Variants in ZNF16 observed in about 807,000 individuals in gnomAD.
ZNF16 encodes the protein zinc finger protein KOX9.
A neutral mutation model predicts 9.0 loss-of-function variants in ZNF16; 7 were observed. The ratio of observed to expected loss-of-function variants is 0.78; its 90% CI spans 0.44 to 1.47. The LOEUF (loss-of-function observed/expected upper bound fraction) is 1.47. Ranked by LOEUF, ZNF16 falls within the 40% of genes most tolerant of loss-of-function variation. ZNF16 has a pLI of 0.01. For synonymous variants in ZNF16, 312 were observed against 301.5 expected (o/e 1.03, Z -0.36); for missense variants, 830 against 854.2 (o/e 0.97, Z 0.35).
chr8:144,945,489 T>C (rs1007809634), intron 2 of ZNF16: 1 of 152,494 alleles, frequency 6.6e-6, no homozygotes, highest in Non-Finnish European at 1.5e-5. Context: ...TACTGGCTGG[T>C]CCTGAACTCC....
At position 144,950,878 on chromosome 8, in the gene ZNF16, C is replaced by T. The variant is rs968119796; in HGVS notation, c.-91G>A. The T allele has an allele frequency of 6.6e-6, 1 of 152,340 alleles. No homozygotes were observed. 9.4% of individuals were successfully genotyped at this position (152,340 alleles called of 1,614,324 possible). On this transcript the variant is annotated 5_prime_UTR_variant, in exon 1 of 3. Transcript: ENST00000394909. ...AACGCCGGCTGACCCCCGGAAGTCC[C>T]GCCCCGAATTCCGGCCCGCCGCTCG...
Position 144,932,690 on chromosome 8 carries a change from G to C in ZNF16, c.197-100C>G. On this transcript the variant is annotated intron_variant, in intron 2 of 2. Coordinates refer to ENST00000394909, the MANE Select transcript of ZNF16 (RefSeq NM_006958.3). This position sits in a 1 kb window ranked among gnomAD's most constrained non-coding sequence, Gnocchi z 5.0. Reference sequence around the variant, plus strand: ...ACCCACTAACTGTGGAGGAGGCAAGGGGAGCAGGGGATCCTCTGGGGTGGC... The same window carrying C: ...ACCCACTAACTGTGGAGGAGGCAAGCGGAGCAGGGGATCCTCTGGGGTGGC... The C allele has an allele frequency of 7.8e-7, 1 of 1,285,788 alleles. No homozygotes were observed. The highest frequency in any genetic ancestry group is 1.1e-6 in the Non-Finnish European group (1 of 928,946). The allele number at this position is 1,285,788 out of a possible 1,614,324, so 79.6% of individuals were successfully genotyped here. A position where few individuals can be genotyped will look rare whatever the true frequency, so the allele number is the denominator to read the frequency against.
rs2975260 is a variant in ZNF16, at chr8:144,950,151, C to T, written c.-10+646G>A. The stretch of plus-strand genomic sequence containing the variant: ...ACGTGCCCATCCAGGCATAGTACCT[C>T]CCCTTAAACTTAATTATGGCACAGA... On this transcript the variant is annotated intron_variant, in intron 1 of 2. Transcript: ENST00000394909. 8.8e-3 allele frequency among the ~76,000 whole-genome samples: 1,346 copies of T among 152,144 alleles called. 11 individuals carry two copies. Among genetic ancestry groups the T allele is most frequent in the African/African-American group, 0.024 (982 of 41,432 alleles).
At chr8:144,947,661 C>T (rs773851399) in intron 1 of ZNF16, among the ~76,000 whole-genome samples, 2 of 152,142 alleles carry the variant, frequency 1.3e-5, no homozygotes, top group Non-Finnish European at 1.5e-5. Context: ...CTACTCCCTC[C>T]TAGCCTCTCA....
intron 2 of ZNF16, among the ~76,000 whole-genome samples, chr8:144,942,636 G>C (rs1301530329): frequency 6.6e-6 from 1 of 152,088 alleles, no homozygotes; most frequent in Admixed American, 6.6e-5. Flanking sequence ...TGCAATGAAC[G>C]TTCTAACATC....
intron 2 of ZNF16, among the ~76,000 whole-genome samples, chr8:144,941,654 A>C (rs1016682635): frequency 6.8e-6 from 1 of 147,228 alleles, no homozygotes. Context: ...TTCTTGCCTT[A>C]CTTCTTGTGT....
chr8:144,937,934 C>G (rs912589072), intron 2 of ZNF16, among the ~76,000 whole-genome samples: 6 of 152,118 alleles, frequency 3.9e-5, no homozygotes, highest in African/African-American at 1.4e-4. Flanking sequence ...TCCCAAAGTG[C>G]TGGGATTACA....
At chr8:144,935,932 T>G (rs1034545884) in intron 2 of ZNF16, among the ~76,000 whole-genome samples, 1 of 152,348 alleles carries the variant, frequency 6.6e-6, no homozygotes, top group Admixed American at 6.5e-5. Flanking sequence ...AAACATTTAC[T>G]GAGGTGAAAT....
chr8:144,939,013 G>A (rs7818466), intron 2 of ZNF16, among the ~76,000 whole-genome samples: 34,922 of 151,592 alleles, frequency 0.23, 4,176 homozygotes, highest in East Asian at 0.35. Context: ...TTTCTCCTTC[G>A]TTCTATTAAT....
intron 1 of ZNF16, among the ~76,000 whole-genome samples, chr8:144,948,925 G>A (rs761940505): frequency 3.9e-5 from 6 of 152,180 alleles, no homozygotes; most frequent in Non-Finnish European, 5.9e-5. Flanking sequence ...AATTACCCTG[G>A]TGGACCCAAT....
chr8:144,938,312 A>AT (rs1388828586), intron 2 of ZNF16, among the ~76,000 whole-genome samples: 1 of 152,214 alleles, frequency 6.6e-6, no homozygotes, highest in Non-Finnish European at 1.5e-5. Context: ...GGCCATTGTA[A>AT]TTTTGATAGG....
In ZNF16 at chr8:144,946,091, TGG is replaced by T. The variant is rs772662961; in HGVS notation, c.114_115del (p.His39ProfsTer12). 24 of 1,612,582 alleles carry T rather than the reference TGG, an allele frequency of 1.5e-5. No individual in the cohort carries two copies. Among genetic ancestry groups the T allele is most frequent in the Non-Finnish European group, 1.6e-5 (19 of 1,179,110 alleles). ...GGTACCACAGGCTGCAGATCCAGGG[TGG>T]GTCACAGCAGGAGCATCTCTCACAC... On this transcript the variant is annotated frameshift_variant, in exon 2 of 3. Coordinates refer to ENST00000394909, the MANE Select transcript of ZNF16 (RefSeq NM_006958.3). LOFTEE classifies it high-confidence loss of function.
At chr8:144,948,284 A>T (rs1017858446) in intron 1 of ZNF16, 1 of 152,250 alleles carries the variant, frequency 6.6e-6, no homozygotes, top group African/African-American at 2.4e-5. Context: ...GACAAAACTA[A>T]TATCTCAAGA....
At position 144,931,678 on chromosome 8, in the gene ZNF16, G is replaced by A. The variant is rs772770518; in HGVS notation, c.1109C>T (p.Thr370Ile). Residue 370 changes from threonine (T) to isoleucine (I), a missense_variant, in exon 3 of 3, where the codon ACT (threonine) becomes ATT (isoleucine). Transcript: ENST00000394909. The part of the protein sequence containing the change: ...RSSNLIKHHR[T>I]HTGEKPFECG... ...CTCAAAAGGCTTCTCTCCTGTGTGA[G>A]TCCTGTGGTGTTTGATGAGGTTTGA... 6.2e-7 allele frequency: 1 copy of A among 1,613,518 alleles called. No individual in the cohort carries two copies. The highest frequency in any genetic ancestry group is 2.2e-5 in the East Asian group (1 of 44,772).
Position 144,931,973 on chromosome 8 carries a change from T to A in ZNF16, c.814A>T (p.Lys272Ter). The change falls in exon 3 of 3, where the codon AAA becomes TAA. Residue 272 changes from lysine to a stop codon, truncating the protein, a stop_gained. Coordinates refer to ENST00000394909, the MANE Select transcript of ZNF16 (RefSeq NM_006958.3). LOFTEE classifies it low-confidence loss of function (END_TRUNC). ...EKAYQCSECG[K>*]AFRGHSDFSR... is the part of the protein sequence containing the mutation. ...AAGTCTGAGTGCCCTCGGAAGGCTT[T>A]CCCACATTCGCTGCACTGGTAAGCT... 6.2e-7 allele frequency: 1 copy of A among 1,613,830 alleles called. No individual in the cohort carries two copies. The highest frequency in any genetic ancestry group is 8.5e-7 in the Non-Finnish European group (1 of 1,179,736).
intron 1 of ZNF16, among the ~76,000 whole-genome samples, chr8:144,946,993 G>GC (rs1388492847): frequency 5.0e-5 from 4 of 79,558 alleles, no homozygotes; most frequent in Admixed American, 1.2e-4. Context: ...CTGCTGTGGG[G>GC]CTGTGTCCTG....
chr8:144,930,683 A>G lies in ZNF16; in HGVS notation c.*55T>C. The G allele has an allele frequency of 6.6e-7, 1 of 1,509,540 alleles. No homozygotes were observed. Among genetic ancestry groups the G allele is most frequent in the African/African-American group, 1.4e-5 (1 of 71,594 alleles). 93.5% of individuals were successfully genotyped at this position (1,509,540 alleles called of 1,614,324 possible). A position where few individuals can be genotyped will look rare whatever the true frequency, so the allele number is the denominator to read the frequency against. On this transcript the variant is annotated 3_prime_UTR_variant, in exon 3 of 3. Transcript: ENST00000394909. ...AGTGGCAGAGGCTGAGACAATGGCC[A>G]AAGAGGAGTTGGAGAGGAAACTATG...
At chr8:144,938,039 T>C (rs927590959) in intron 2 of ZNF16, among the ~76,000 whole-genome samples, 10 of 152,322 alleles carry the variant, frequency 6.6e-5, no homozygotes, top group Admixed American at 3.9e-4. Context: ...TCTTTTCTCA[T>C]TGATTGAAAG....
intron 2 of ZNF16, chr8:144,944,506 T>G (rs1833881825): frequency 1.3e-5 from 2 of 152,366 alleles, no homozygotes; most frequent in South Asian, 4.1e-4. Context: ...TGAGCCACCA[T>G]GCCCAGCCTA....
Sources: gnomAD v4.1 joint callset for allele counts (sites outside exome capture counted in the v4.1 genomes callset) on GRCh38, gnomAD v4.1.1 for gene constraint, Gnocchi (gnomAD v3.1) non-coding constraint, MANE v1.5 for transcripts, NCBI Gene and HGNC (gene_info 2026-07-23, HGNC 2026-07-21) for gene names.